The following ANKRD23 variants were observed in gnomAD, a reference collection of about 807,000 sequenced individuals.
ANKRD23 encodes the protein ankyrin repeat domain-containing protein 23.
Under a neutral mutation model 38.1 loss-of-function variants are expected in ANKRD23, and 52 were observed. The observed-to-expected ratio is 1.36, with a 90% confidence interval of 1.09 to 1.72. ANKRD23 has a LOEUF of 1.72. Ranked by LOEUF, ANKRD23 falls within the 40% of genes most tolerant of loss-of-function variation. The probability of loss-of-function intolerance (pLI) is 0.00; values close to 1 mark genes in which losing one functional copy is unlikely to be tolerated. For synonymous variants in ANKRD23, 167 were observed against 162.9 expected, an observed-to-expected ratio of 1.03 and a Z score of -0.19; for missense variants, 416 against 400.2, an observed-to-expected ratio of 1.04 and a Z score of -0.34.
At position 96,840,877 on chromosome 2, in the gene ANKRD23, C is replaced by T; in HGVS notation, c.336G>A (p.Leu112=). The part of the protein sequence containing the change: ...QSQAQVEPVG[L]EMFLKAAAEN... ...CAGCAGCTGCCTTCAGGAACATCTC[C>T]AGGCCCACAGGCTCCACCTGGGCCT... The change falls in exon 4 of 9, where the codon CTG becomes CTA. Residue 112 remains leucine, a synonymous_variant. Transcript: ENST00000318357. The T allele has an allele frequency of 6.2e-7, 1 of 1,614,098 alleles. No homozygotes were observed. The highest frequency in any genetic ancestry group is 8.5e-7 in the Non-Finnish European group (1 of 1,180,032).
chr2:96,843,910 C>A lies in ANKRD23; in HGVS notation c.27+56G>T. 6 of 1,576,224 alleles carry A rather than the reference C, an allele frequency of 3.8e-6. No homozygotes were observed. The African/African-American group carries it at 5.5e-5, about 14-fold the overall frequency. On this transcript the variant is annotated intron_variant, in intron 1 of 8. Transcript: ENST00000318357. ...GAAGCTGCCAGCCCTCTCTAGCCAG[C>A]CTCCTCCTATCAAGCCGGTCCCAGG...
chr2:96,839,130 CTG>C lies in ANKRD23; in HGVS notation c.*417_*418del, dbSNP rs1169567559. The C allele has an allele frequency of 3.0e-6, 3 of 997,036 alleles. No homozygotes were observed. In the Admixed American group the frequency reaches 1.8e-4, roughly 60 times the overall value. The allele number at this position is 997,036 out of a possible 1,614,324, so 61.8% of individuals were successfully genotyped here. A position where few individuals can be genotyped will look rare whatever the true frequency, so the allele number is the denominator to read the frequency against. On this transcript the variant is annotated 3_prime_UTR_variant, in exon 9 of 9. Coordinates refer to ENST00000318357, the MANE Select transcript of ANKRD23 (RefSeq NM_144994.8). ...CGGGCTGAGTCCCCACACACACAGA[CTG>C]GCCCTGGAGAGAGCAAGGCAAGCCC...
At chr2:96,841,187 A>G in intron 3 of ANKRD23, 1 of 385,462 alleles carries the variant, frequency 2.6e-6, no homozygotes, top group Non-Finnish European at 4.8e-6. Flanking sequence ...TTGGAAACAG[A>G]GTCACTGAGG....
In ANKRD23 at chr2:96,840,865, C is replaced by T; in HGVS notation, c.348G>A (p.Leu116=). The change falls in exon 4 of 9, where the codon CTG becomes CTA. Residue 116 remains leucine (L), a synonymous_variant. Transcript: ENST00000318357. ...QVEPVGLEMF[L]KAAAENQEYL... is the part of the protein sequence containing the mutation. The stretch of plus-strand genomic sequence containing the variant: ...ACTCCTGGTTCTCAGCAGCTGCCTT[C>T]AGGAACATCTCCAGGCCCACAGGCT... The T allele has an allele frequency of 6.2e-7, 1 of 1,614,206 alleles. No homozygotes were observed. The highest frequency in any genetic ancestry group is 1.3e-5 in the African/African-American group (1 of 75,050).
chr2:96,840,507 C>T lies in ANKRD23; in HGVS notation c.434G>A (p.Arg145His), dbSNP rs769936679. The change falls in exon 5 of 9, where the codon CGC (arginine) becomes CAC (histidine). Residue 145 changes from arginine to histidine, a missense_variant. Physicochemically the swap from Arg to His is conservative, Grantham distance 29. Transcript: ENST00000318357. Reference protein sequence around the residue: ...GDPNAHDKLHRTALHWACLKG... With the variant: ...GDPNAHDKLHHTALHWACLKG... Reference sequence around the variant, plus strand: ...CAGACAGGCCCAGTGCAAGGCGGTGCGGTGGAGCTGAGGGCAGAGATGGAA... The same window carrying T: ...CAGACAGGCCCAGTGCAAGGCGGTGTGGTGGAGCTGAGGGCAGAGATGGAA... 5.0e-6 allele frequency: 8 copies of T among 1,613,628 alleles called. No homozygotes were observed. Among genetic ancestry groups the T allele is most frequent in the East Asian group, 2.2e-5 (1 of 44,896 alleles).
rs2079742514 is a variant in ANKRD23, at chr2:96,840,128, G to A, written c.625-33C>T. Reference sequence around the variant, plus strand: ...CAAGTGGGGGTCAGTGCTGGGTCTGGATTGGTGAGGCCTCCCTAACCCATG... The same window carrying A: ...CAAGTGGGGGTCAGTGCTGGGTCTGAATTGGTGAGGCCTCCCTAACCCATG... On this transcript the variant is annotated intron_variant, in intron 6 of 8. Coordinates refer to ENST00000318357, the MANE Select transcript of ANKRD23 (RefSeq NM_144994.8). 3 of 1,549,250 alleles carry A rather than the reference G, an allele frequency of 1.9e-6. No individual in the cohort carries two copies. The African/African-American group carries it at 4.1e-5, about 21-fold the overall frequency.
rs1019127153 is a variant in ANKRD23 at position 96,839,177 on chromosome 2, A to C, written c.*372T>G. On this transcript the variant is annotated 3_prime_UTR_variant, in exon 9 of 9. Transcript: ENST00000318357. ...AAGCCCCCTAACCTGGGACAAGTGG[A>C]CACTGAGGACTCCCAGACCCAGCCC... is the stretch of plus-strand genomic sequence containing the variant. 1 of 1,030,246 alleles carries C rather than the reference A, an allele frequency of 9.7e-7. No individual in the cohort carries two copies. The highest frequency in any genetic ancestry group is 1.2e-6 in the Non-Finnish European group (1 of 859,908). 63.8% of individuals were successfully genotyped at this position (1,030,246 alleles called of 1,614,324 possible). A position where few individuals can be genotyped will look rare whatever the true frequency, so the allele number is the denominator to read the frequency against.
chr2:96,839,143 G>C lies in ANKRD23; in HGVS notation c.*406C>G, dbSNP rs2079727346. 1.0e-6 allele frequency: 1 copy of C among 1,003,828 alleles called. No individual in the cohort carries two copies. The highest frequency in any genetic ancestry group is 1.2e-6 in the Non-Finnish European group (1 of 842,714). 62.2% of individuals were successfully genotyped at this position (1,003,828 alleles called of 1,614,324 possible). A position where few individuals can be genotyped will look rare whatever the true frequency, so the allele number is the denominator to read the frequency against. The stretch of plus-strand genomic sequence containing the variant: ...CACACACACAGACTGGCCCTGGAGA[G>C]AGCAAGGCAAGCCCCCTAACCTGGG... On this transcript the variant is annotated 3_prime_UTR_variant, in exon 9 of 9. Transcript: ENST00000318357.
At chr2:96,840,986 C>G in intron 3 of ANKRD23, 74 bp from the exon 4 acceptor site, 1 of 1,574,718 alleles carries the variant, frequency 6.4e-7, no homozygotes, top group Non-Finnish European at 8.6e-7. Context: ...CTTCACCAGT[C>G]TGGCCCACGG....
chr2:96,842,899 C>T (rs899929875), intron 1 of ANKRD23, among the ~76,000 whole-genome samples: 1 of 152,224 alleles, frequency 6.6e-6, no homozygotes, highest in African/African-American at 2.4e-5. Flanking sequence ...ATCATACTGA[C>T]TGCCACCTGA....
In ANKRD23 at chr2:96,838,199, G is replaced by A; in HGVS notation, c.*1350C>T. 5.7e-6 allele frequency: 2 copies of A among 351,010 alleles called. No homozygotes were observed. The highest frequency in any genetic ancestry group is 8.0e-6 in the Non-Finnish European group (2 of 248,838). 21.7% of individuals were successfully genotyped at this position (351,010 alleles called of 1,614,324 possible). On this transcript the variant is annotated 3_prime_UTR_variant, in exon 9 of 9. Transcript: ENST00000318357. The stretch of plus-strand genomic sequence containing the variant: ...AAGGCCCCCAAAGGTAGACGAAAAG[G>A]AACCATGGCCAAATGCCTATCAATC...
intron 4 of ANKRD23, 111 bp from the exon 5 acceptor site, chr2:96,840,625 C>G: frequency 2.0e-6 from 3 of 1,512,450 alleles, no homozygotes; most frequent in African/African-American, 2.7e-5. Flanking sequence ...CTTCCCCCAC[C>G]ACGCGATGGG....
rs373064902 is a variant in ANKRD23 at position 96,839,519 on chromosome 2, C to G, written c.*30G>C. On this transcript the variant is annotated 3_prime_UTR_variant, in exon 9 of 9. Coordinates refer to ENST00000318357, the MANE Select transcript of ANKRD23 (RefSeq NM_144994.8). ...GGCACAGGATGGAATGGTGGCAGTG[C>G]GAAAGGCGCGGCGGGGGGCGGTGCT... 7.0e-7 allele frequency: 1 copy of G among 1,425,400 alleles called. No individual in the cohort carries two copies. The highest frequency in any genetic ancestry group is 1.5e-5 in the African/African-American group (1 of 67,972). The allele number at this position is 1,425,400 out of a possible 1,614,324, so 88.3% of individuals were successfully genotyped here.
At chr2:96,840,137 G>A (rs1266090570) in intron 6 of ANKRD23, 42 bp from the exon 7 acceptor site, 1 of 1,549,518 alleles carries the variant, frequency 6.5e-7, no homozygotes, top group Non-Finnish European at 8.7e-7. Flanking sequence ...GGATTGGTGA[G>A]GCCTCCCTAA....
intron 7 of ANKRD23, 61 bp downstream of exon 7, chr2:96,839,936 C>A: frequency 1.3e-6 from 2 of 1,549,436 alleles, no homozygotes; most frequent in Non-Finnish European, 1.7e-6. Context: ...CTGGCTGGGG[C>A]TCCTCAGTCC....
In ANKRD23 at chr2:96,840,408, A is replaced by G. The variant is rs752781835; in HGVS notation, c.525+8T>C. 14 of 1,613,882 alleles carry G rather than the reference A, an allele frequency of 8.7e-6. No homozygotes were observed. Among genetic ancestry groups the G allele is most frequent in the Middle Eastern group, 1.7e-4 (1 of 6,052 alleles). ...TCGACCAGAGGCTGGGCCTTTCCCC[A>G]TCCTCACCAAGTCTCGCGCGTCCAC... On this transcript the variant is annotated splice_region_variant and intron_variant, in intron 5 of 8. Coordinates refer to ENST00000318357, the MANE Select transcript of ANKRD23 (RefSeq NM_144994.8).
At chr2:96,841,669 G>A (rs1381478591) in intron 3 of ANKRD23, among the ~76,000 whole-genome samples, 1 of 146,098 alleles carries the variant, frequency 6.8e-6, no homozygotes, top group South Asian at 2.3e-4. Flanking sequence ...CAGGCAGAAC[G>A]CCCAGCAAAC....
rs1046421392 is a variant in ANKRD23, at chr2:96,843,700, C to T, written c.27+266G>A. Reference sequence around the variant, plus strand: ...CACCAGAAAGAACCGCACGCTCAGCCGGGTGTGGGGGTACACGCCTGGAGT... The same window carrying T: ...CACCAGAAAGAACCGCACGCTCAGCTGGGTGTGGGGGTACACGCCTGGAGT... On this transcript the variant is annotated intron_variant, in intron 1 of 8. Transcript: ENST00000318357. 5.3e-5 allele frequency among the ~76,000 whole-genome samples: 8 copies of T among 152,166 alleles called. 1 individual carries two copies. The highest frequency in any genetic ancestry group is 1.7e-4 in the African/African-American group (7 of 41,434).
chr2:96,839,704 G>A (rs2153358449), intron 8 of ANKRD23, 23 bp downstream of exon 8: 1 of 1,609,310 alleles, frequency 6.2e-7, no homozygotes, highest in East Asian at 2.2e-5. Context: ...CGGGTCAGGA[G>A]CCAGGGCTGC....
Sources: gnomAD v4.1 joint callset for allele counts (sites outside exome capture counted in the v4.1 genomes callset) on GRCh38, gnomAD v4.1.1 for gene constraint, MANE v1.5 for transcripts, NCBI Gene and HGNC (gene_info 2026-07-23, HGNC 2026-07-21) for gene names.